The following ADGRV1 variants were observed in gnomAD, a reference collection of about 807,000 sequenced individuals.
ADGRV1 encodes the protein G-protein coupled receptor 98.
A neutral mutation model predicts 596.2 loss-of-function variants in ADGRV1; 359 were observed. The ratio of observed to expected loss-of-function variants is 0.60; its 90% CI spans 0.55 to 0.66. ADGRV1 has a LOEUF of 0.66. Ranked by LOEUF, ADGRV1 falls within the 30% of genes least tolerant of loss-of-function variation. The pLI is 0.00. For synonymous variants in ADGRV1, 2,681 were observed against 2,679.2 expected (o/e 1.00, Z -0.02); for missense variants, 7,274 against 7,575.6 (o/e 0.96, Z 1.48).
intron 59 of ADGRV1, among the ~76,000 whole-genome samples, chr5:90,764,226 T>C (rs994336219): frequency 1.3e-5 from 2 of 152,174 alleles, no homozygotes; most frequent in African/African-American, 4.8e-5. Context: ...GCCACAGATA[T>C]GCCCCTCTAG....
chr5:90,741,045 G>C (rs1488596173), intron 50 of ADGRV1, among the ~76,000 whole-genome samples: 8 of 152,140 alleles, frequency 5.3e-5, no homozygotes, highest in Non-Finnish European at 1.2e-4. Context: ...TGGAGCCAGA[G>C]AGTTCCTATT....
At chr5:90,851,134 T>TGTGTGTGTGTGTGTGTGAGAGAGAGA (rs757909771) in intron 79 of ADGRV1, among the ~76,000 whole-genome samples, 17 of 81,504 alleles carry the variant, frequency 2.1e-4, no homozygotes, top group Admixed American at 3.7e-4. Context: ...TGTGTGTGTG[T>TGTGTGTGTGTGTGTGTGAGAGAGAGA]GAGAGAGAGA....
intron 78 of ADGRV1, among the ~76,000 whole-genome samples, chr5:90,841,282 C>T (rs535738045): frequency 2.0e-5 from 3 of 152,108 alleles, no homozygotes; most frequent in South Asian, 4.2e-4. Flanking sequence ...AGGCAGTTGG[C>T]GACTCTCCAG....
At chr5:91,098,618 T>C (rs1275645643) in intron 86 of ADGRV1, among the ~76,000 whole-genome samples, 1 of 152,232 alleles carries the variant, frequency 6.6e-6, no homozygotes, top group Non-Finnish European at 1.5e-5. Flanking sequence ...GAGTTATTTA[T>C]GACTAGCTTT....
In ADGRV1 at chr5:90,800,089, A is replaced by C. The variant is rs182319202; in HGVS notation, c.14518-2650A>C. Among the ~76,000 whole-genome samples the C allele has an allele frequency of 1.3e-3, 199 of 152,332 alleles. 2 individuals carry two copies. The highest frequency in any genetic ancestry group is 4.4e-3 in the African/African-American group (184 of 41,576). On this transcript the variant is annotated intron_variant, in intron 70 of 89. Transcript: ENST00000405460. Reference sequence around the variant, plus strand: ...CAAAATTGACCAATGGGATCTAATTAAACTAAAGAGCTTCTGCACAGCAAA... The same window carrying C: ...CAAAATTGACCAATGGGATCTAATTCAACTAAAGAGCTTCTGCACAGCAAA...
chr5:90,693,869 A>C (rs1387123441), intron 32 of ADGRV1, 21 bp from the exon 33 acceptor site: 10 of 1,506,136 alleles, frequency 6.6e-6, no homozygotes, highest in Non-Finnish European at 8.9e-6. Flanking sequence ...CCTGTCTTTT[A>C]ATTGTCACTC....
At chr5:91,014,120 A>G (rs1012868227) in intron 85 of ADGRV1, among the ~76,000 whole-genome samples, 11 of 144,214 alleles carry the variant, frequency 7.6e-5, no homozygotes, top group Non-Finnish European at 1.5e-4. Context: ...CTCATAGGCA[A>G]TCCCATTCAC....
intron 87 of ADGRV1, among the ~76,000 whole-genome samples, chr5:91,114,551 G>A (rs1468899431): frequency 7.9e-5 from 12 of 151,968 alleles, no homozygotes; most frequent in Admixed American, 7.9e-4. Flanking sequence ...GAGGGAGGGA[G>A]GGAGGAAGGG....
At chr5:91,011,955 C>T (rs1782757479) in intron 85 of ADGRV1, among the ~76,000 whole-genome samples, 1 of 151,848 alleles carries the variant, frequency 6.6e-6, no homozygotes, top group African/African-American at 2.4e-5. Context: ...TCATTCCCCA[C>T]CCCTCTCTTC....
intron 26 of ADGRV1, among the ~76,000 whole-genome samples, 161 bp from the exon 27 acceptor site, chr5:90,681,154 T>C (rs1422144472): frequency 6.6e-6 from 1 of 152,236 alleles, no homozygotes; most frequent in African/African-American, 2.4e-5. Context: ...CATGAATATG[T>C]GTGGCACCCA....
intron 85 of ADGRV1, among the ~76,000 whole-genome samples, chr5:91,008,705 T>C (rs1277967910): frequency 6.6e-6 from 1 of 151,956 alleles, no homozygotes; most frequent in Non-Finnish European, 1.5e-5. Context: ...GGTCTAACCA[T>C]GTTGAGGCGG....
chr5:90,694,321 T>C lies in ADGRV1; in HGVS notation c.7565T>C (p.Leu2522Pro). 1 of 1,613,992 alleles carries C rather than the reference T, an allele frequency of 6.2e-7. No individual in the cohort carries two copies. Among genetic ancestry groups the C allele is most frequent in the Non-Finnish European group, 8.5e-7 (1 of 1,179,888 alleles). The change falls in exon 33 of 90, where the codon CTC becomes CCC. Residue 2522 changes from leucine (L) to proline (P), a missense_variant. Leu to Pro is a moderately conservative substitution (Grantham distance 98). Transcript: ENST00000405460. ...IMQEGDEFAN[L>P]TVSILPDDFP... ...CAGGAAGGTGATGAATTCGCAAATC[T>C]CACAGTGTCTATTCTTCCTGATGAT...
chr5:90,907,077 C>T (rs1175182187), intron 83 of ADGRV1, among the ~76,000 whole-genome samples: 1 of 152,082 alleles, frequency 6.6e-6, no homozygotes, highest in African/African-American at 2.4e-5. Flanking sequence ...TGAAATATAA[C>T]TCAGGAATAG....
chr5:91,109,792 G>A (rs897192784), intron 87 of ADGRV1, among the ~76,000 whole-genome samples: 1 of 152,190 alleles, frequency 6.6e-6, no homozygotes, highest in Admixed American at 6.5e-5. Context: ...AAAGAGTCAA[G>A]TTGGTTTCAT....
chr5:91,012,156 A>G (rs751401738), intron 85 of ADGRV1, among the ~76,000 whole-genome samples: 6 of 151,890 alleles, frequency 4.0e-5, no homozygotes, highest in East Asian at 1.9e-4. Context: ...TCTATTGCCA[A>G]TTCACCTGGT....
chr5:90,621,305 A>T (rs1580479676), intron 4 of ADGRV1, among the ~76,000 whole-genome samples: 1 of 152,172 alleles, frequency 6.6e-6, no homozygotes, highest in Non-Finnish European at 1.5e-5. Context: ...ACCTTAACTT[A>T]TCTTTGAAAG....
At chr5:90,601,003 G>T (rs1227798986) in intron 1 of ADGRV1, among the ~76,000 whole-genome samples, 1 of 152,116 alleles carries the variant, frequency 6.6e-6, no homozygotes, top group African/African-American at 2.4e-5. Flanking sequence ...TTGGGAGGCC[G>T]AGGCGGGTGG....
chr5:90,667,823 C>A (rs576945501), intron 21 of ADGRV1, among the ~76,000 whole-genome samples: 2 of 152,240 alleles, frequency 1.3e-5, no homozygotes, highest in East Asian at 3.9e-4. Flanking sequence ...AGTTTTCCTT[C>A]TAACAGACAG....
intron 87 of ADGRV1, among the ~76,000 whole-genome samples, chr5:91,140,514 T>G (rs1041290770): frequency 2.0e-5 from 3 of 152,224 alleles, no homozygotes; most frequent in Admixed American, 2.0e-4. Context: ...AAATTCCTAT[T>G]GAAAGACAAT....
Sources: allele counts gnomAD v4.1 joint callset (sites outside exome capture counted in the v4.1 genomes callset), GRCh38; gene constraint gnomAD v4.1.1; transcripts MANE v1.5; gene names NCBI Gene and HGNC (gene_info 2026-07-23, HGNC 2026-07-21).